Variants in LRRC7 observed in about 807,000 individuals in gnomAD.
LRRC7 encodes the protein leucine-rich repeat-containing protein 7.
In LRRC7, 23 loss-of-function variants were observed where a neutral mutation model predicts 175.7. The observed-to-expected ratio is 0.13, with a 90% confidence interval of 0.09 to 0.19. LRRC7 has a LOEUF of 0.19. Among genes scored for constraint, LRRC7 ranks in the 10% least tolerant of loss-of-function variants. The pLI, the probability that LRRC7 is intolerant of heterozygous loss-of-function variation, is 1.00. For missense variants in LRRC7, 1,354 were observed against 1,904.7 expected (o/e 0.71, Z 5.38); for synonymous variants, 685 against 680.9 (o/e 1.01, Z -0.09).
intron 1 of LRRC7, among the ~76,000 whole-genome samples, chr1:69,649,014 T>C (rs1211130084): frequency 6.6e-6 from 1 of 152,168 alleles, no homozygotes; most frequent in Non-Finnish European, 1.5e-5. Context: ...TGACACAGAA[T>C]TAAAGATTTT....
At chr1:70,109,933 A>G (rs1665408372) in intron 26 of LRRC7, among the ~76,000 whole-genome samples, 1 of 152,260 alleles carries the variant, frequency 6.6e-6, no homozygotes, top group African/African-American at 2.4e-5. Flanking sequence ...GAAGCTGGGT[A>G]GAGAAGTATG....
intron 2 of LRRC7, among the ~76,000 whole-genome samples, chr1:69,691,014 C>A (rs896000061): frequency 6.6e-6 from 1 of 152,062 alleles, no homozygotes; most frequent in African/African-American, 2.4e-5. Context: ...GAAAGAATAT[C>A]TCAAAGGGAA....
At chr1:70,082,541 A>G (rs1663278097) in intron 24 of LRRC7, among the ~76,000 whole-genome samples, 4 of 152,150 alleles carry the variant, frequency 2.6e-5, no homozygotes, top group Admixed American at 2.6e-4. Flanking sequence ...GAATGCAGTA[A>G]ACATTGCAGT....
At chr1:69,729,085 A>G (rs1667283542) in intron 2 of LRRC7, among the ~76,000 whole-genome samples, 1 of 152,136 alleles carries the variant, frequency 6.6e-6, no homozygotes, top group African/African-American at 2.4e-5. Flanking sequence ...CTCACTCACT[A>G]TCACAAGAGC....
intron 7 of LRRC7, among the ~76,000 whole-genome samples, chr1:69,908,613 C>G (rs1198958173): frequency 6.6e-6 from 1 of 151,062 alleles, no homozygotes; most frequent in East Asian, 1.9e-4. Context: ...TTTGATTGCA[C>G]TGTGGTCTGA....
intron 2 of LRRC7, among the ~76,000 whole-genome samples, chr1:69,743,547 A>G (rs12070866): frequency 0.018 from 2,662 of 152,104 alleles, 78 homozygotes; most frequent in African/African-American, 0.062. Context: ...AACGTCCAAC[A>G]TTCCAGCATT....
intron 2 of LRRC7, among the ~76,000 whole-genome samples, chr1:69,734,174 AATT>A (rs1667868447): frequency 6.6e-6 from 1 of 151,910 alleles, no homozygotes; most frequent in Non-Finnish European, 1.5e-5. Context: ...ATTACAGAAA[AATT>A]AAAAAATACA....
chr1:69,604,537 T>C (rs923628670), intron 1 of LRRC7, among the ~76,000 whole-genome samples: 1 of 152,168 alleles, frequency 6.6e-6, no homozygotes, highest in African/African-American at 2.4e-5. Flanking sequence ...CTTGATTTAG[T>C]GATTTGGTCT....
chr1:69,801,007 T>C (rs562772682), intron 4 of LRRC7, among the ~76,000 whole-genome samples: 2 of 152,018 alleles, frequency 1.3e-5, no homozygotes, highest in Non-Finnish European at 2.9e-5. Flanking sequence ...GGTTTTTGTT[T>C]TTACTTTTGT....
chr1:70,116,920 C>A (rs530496486), intron 26 of LRRC7, among the ~76,000 whole-genome samples: 125 of 152,236 alleles, frequency 8.2e-4, no homozygotes, highest in Middle Eastern at 6.8e-3. Context: ...TCTCATAATA[C>A]CTGGCAATCA....
At chr1:69,897,206 A>C (rs1001201856) in intron 7 of LRRC7, among the ~76,000 whole-genome samples, 1 of 152,178 alleles carries the variant, frequency 6.6e-6, no homozygotes, top group East Asian at 1.9e-4. Flanking sequence ...GACAGAACTC[A>C]AATTTGATTC....
intron 1 of LRRC7, among the ~76,000 whole-genome samples, chr1:69,668,954 G>C (rs1410823644): frequency 6.6e-6 from 1 of 152,132 alleles, no homozygotes. Flanking sequence ...CTTTTGAGAA[G>C]TGTCTGTTCA....
intron 7 of LRRC7, among the ~76,000 whole-genome samples, chr1:69,889,604 C>T (rs1021297958): frequency 4.6e-5 from 7 of 152,136 alleles, no homozygotes; most frequent in African/African-American, 9.7e-5. Context: ...CCCAGAAGTT[C>T]GCTATCAACC....
chr1:69,666,467 CTTA>C (rs758703084), intron 1 of LRRC7, among the ~76,000 whole-genome samples: 11 of 151,922 alleles, frequency 7.2e-5, no homozygotes, highest in Admixed American at 2.0e-4. Context: ...TGCTGGGAGA[CTTA>C]TTATTATGGC....
chr1:69,788,354 G>C (rs1443087539), intron 3 of LRRC7, among the ~76,000 whole-genome samples: 1 of 151,960 alleles, frequency 6.6e-6, no homozygotes, highest in Non-Finnish European at 1.5e-5. Context: ...GTGAGTGTGA[G>C]GGTGTTTAGT....
intron 1 of LRRC7, among the ~76,000 whole-genome samples, chr1:69,593,755 A>G (rs1481205649): frequency 6.6e-6 from 1 of 152,226 alleles, no homozygotes; most frequent in Non-Finnish European, 1.5e-5. Flanking sequence ...TTTGTCATTT[A>G]AACAATAATT....
intron 2 of LRRC7, among the ~76,000 whole-genome samples, chr1:69,728,404 C>G (rs1017020120): frequency 2.0e-5 from 3 of 152,084 alleles, no homozygotes; most frequent in African/African-American, 7.2e-5. Context: ...AGAAATGAAG[C>G]TACATTAAAG....
At chr1:70,019,073 T>C (rs1298336313) in intron 15 of LRRC7, among the ~76,000 whole-genome samples, 1 of 152,054 alleles carries the variant, frequency 6.6e-6, no homozygotes. Flanking sequence ...TAGGAGCAAC[T>C]ATTTCTCTTT....
intron 3 of LRRC7, 66 bp from the exon 4 acceptor site, chr1:69,791,977 T>C: frequency 9.5e-7 from 1 of 1,049,044 alleles, no homozygotes; most frequent in Non-Finnish European, 1.4e-6. Context: ...ACTTTAATTT[T>C]GTTACTGAGT....
Sources: gnomAD v4.1 joint callset for allele counts (sites outside exome capture counted in the v4.1 genomes callset) on GRCh38, gnomAD v4.1.1 for gene constraint, MANE v1.5 for transcripts, NCBI Gene and HGNC (gene_info 2026-07-23, HGNC 2026-07-21) for gene names.